Variants in EHMT1 observed in about 807,000 individuals in gnomAD.
EHMT1 encodes histone-lysine N-methyltransferase EHMT1.
Under a neutral mutation model 147.2 loss-of-function variants are expected in EHMT1, and 15 were observed. That is an observed-to-expected ratio of 0.10 (90% CI 0.07 to 0.16). The LOEUF (loss-of-function observed/expected upper bound fraction) is 0.16. Among genes scored for constraint, EHMT1 ranks in the 10% least tolerant of loss-of-function variants. The pLI, the probability that EHMT1 is intolerant of heterozygous loss-of-function variation, is 1.00. For synonymous variants in EHMT1, 795 were observed against 709.6 expected (o/e 1.12, Z -1.91); for missense variants, 1,587 against 1,772.4 (o/e 0.90, Z 1.88).
At chr9:137,792,766 T>G (rs888498139) in intron 16 of EHMT1, among the ~76,000 whole-genome samples, 1 of 152,178 alleles carries the variant, frequency 6.6e-6, no homozygotes, top group Non-Finnish European at 1.5e-5. Flanking sequence ...ACCAGAACAC[T>G]CTTTGAAGAA....
intron 25 of EHMT1, among the ~76,000 whole-genome samples, chr9:137,830,175 C>T (rs1015306467): frequency 6.6e-6 from 1 of 151,980 alleles, no homozygotes; most frequent in African/African-American, 2.4e-5. Context: ...TCAAACTGCC[C>T]CATCTTTGGC....
At chr9:137,784,726 A>C (rs1951821804) in intron 15 of EHMT1, 1 of 152,996 alleles carries the variant, frequency 6.5e-6, no homozygotes, top group Non-Finnish European at 1.5e-5. Context: ...GGGTCCAGTA[A>C]GCCAGGGGTT....
intron 1 of EHMT1, chr9:137,676,294 C>T (rs1490726156): frequency 6.6e-6 from 1 of 152,212 alleles, no homozygotes; most frequent in African/African-American, 2.4e-5. Flanking sequence ...TGGTCTTGAT[C>T]TCCTGACCTC....
chr9:137,758,224 G>A (rs1011657020), intron 9 of EHMT1, among the ~76,000 whole-genome samples: 7 of 152,264 alleles, frequency 4.6e-5, no homozygotes, highest in Non-Finnish European at 5.9e-5. Flanking sequence ...CCCTCTAAGA[G>A]TCAACTGGCG....
chr9:137,768,618 C>T (rs1462179037), intron 10 of EHMT1, among the ~76,000 whole-genome samples: 8 of 122,934 alleles, frequency 6.5e-5, no homozygotes, highest in Admixed American at 2.1e-4. Context: ...GGCGGGATCT[C>T]GGCTCACTGC....
rs2133045242 is a variant in EHMT1 at position 137,828,933 on chromosome 9, GGGCCTGGCCCTCCCAGAT to G, written c.3541-5410_3541-5393del. 6.6e-6 allele frequency among the ~76,000 whole-genome samples: 1 copy of G among 152,260 alleles called. No homozygotes were observed. The highest frequency in any genetic ancestry group is 1.9e-4 in the East Asian group (1 of 5,166). The stretch of plus-strand genomic sequence containing the variant: ...TAGGAATCCTGGGAAGAGCCCAGAT[GGGCCTGGCCCTCCCAGAT>G]GGCCTCTTTTGCCTCTGGCGAAGTG... On this transcript the variant is annotated intron_variant, in intron 25 of 26. Transcript: ENST00000460843. This position sits in a 1 kb window ranked among gnomAD's most constrained non-coding sequence, Gnocchi z 5.3.
intron 1 of EHMT1, among the ~76,000 whole-genome samples, chr9:137,707,710 C>T (rs1195407571): frequency 2.0e-5 from 3 of 152,156 alleles, no homozygotes; most frequent in Admixed American, 6.5e-5. Context: ...AACTTAATTT[C>T]GTGGGTAGGA....
At chr9:137,833,690 C>T (rs575143720) in intron 25 of EHMT1, among the ~76,000 whole-genome samples, 155 of 152,366 alleles carry the variant, frequency 1.0e-3, no homozygotes, top group Admixed American at 3.0e-3. Flanking sequence ...GCCATGTGGC[C>T]ACCCGGAATC....
intron 1 of EHMT1, among the ~76,000 whole-genome samples, chr9:137,623,580 C>G (rs1010710466): frequency 6.6e-6 from 1 of 151,920 alleles, no homozygotes; most frequent in South Asian, 2.1e-4. Flanking sequence ...ACGCCTGTGC[C>G]TGGCTAATTT....
intron 15 of EHMT1, chr9:137,785,580 A>G (rs1951895145): frequency 6.6e-6 from 1 of 152,226 alleles, no homozygotes; most frequent in African/African-American, 2.4e-5. Flanking sequence ...GAATGATGCC[A>G]CTGTCTTCTG....
At chr9:137,630,364 G>T (rs1217778398) in intron 1 of EHMT1, among the ~76,000 whole-genome samples, 1 of 152,228 alleles carries the variant, frequency 6.6e-6, no homozygotes, top group Non-Finnish European at 1.5e-5. Context: ...CACAATTGCT[G>T]CGGCCACATG....
chr9:137,803,022 T>A, intron 18 of EHMT1: 4 of 1,231,420 alleles, frequency 3.2e-6, no homozygotes, highest in Non-Finnish European at 4.0e-6. Flanking sequence ...TGGGGCCACC[T>A]CACCCACCGC....
intron 1 of EHMT1, among the ~76,000 whole-genome samples, chr9:137,682,139 G>A (rs1032385778): frequency 2.0e-5 from 3 of 151,824 alleles, no homozygotes; most frequent in African/African-American, 4.8e-5. Context: ...TAGTAGAGAC[G>A]GGGTTTCTCC....
chr9:137,658,210 G>A (rs1018594533), intron 1 of EHMT1, among the ~76,000 whole-genome samples: 3 of 152,150 alleles, frequency 2.0e-5, no homozygotes, highest in Non-Finnish European at 2.9e-5. Context: ...GAGTGCTGCG[G>A]CATGATCTTG....
chr9:137,664,175 G>A (rs1274530549), intron 1 of EHMT1, among the ~76,000 whole-genome samples: 2 of 152,012 alleles, frequency 1.3e-5, no homozygotes, highest in Non-Finnish European at 2.9e-5. Context: ...AAGGAGCTGG[G>A]ACTACAGGTG....
At chr9:137,657,313 A>G (rs1372443366) in intron 1 of EHMT1, among the ~76,000 whole-genome samples, 1 of 152,020 alleles carries the variant, frequency 6.6e-6, no homozygotes, top group Admixed American at 6.6e-5. Context: ...TGAGCAGAGG[A>G]GTGGCGGAAT....
chr9:137,720,816 C>T (rs568771271), intron 3 of EHMT1, among the ~76,000 whole-genome samples: 13 of 152,146 alleles, frequency 8.5e-5, no homozygotes, highest in Admixed American at 3.3e-4. Context: ...TAGAGCTGCT[C>T]GGGGCATTTA....
intron 1 of EHMT1, among the ~76,000 whole-genome samples, chr9:137,710,422 G>A (rs777751203): frequency 6.6e-6 from 1 of 152,190 alleles, no homozygotes; most frequent in African/African-American, 2.4e-5. Context: ...GCAGTGAGCC[G>A]AGATCGCGCC....
chr9:137,764,692 T>C (rs1950099959), intron 10 of EHMT1: 1 of 152,258 alleles, frequency 6.6e-6, no homozygotes, highest in African/African-American at 2.4e-5. Context: ...CAAAGGTCTG[T>C]TGACAAAATG....
Sources: gnomAD v4.1 joint callset for allele counts (sites outside exome capture counted in the v4.1 genomes callset) on GRCh38, gnomAD v4.1.1 for gene constraint, Gnocchi (gnomAD v3.1) non-coding constraint, MANE v1.5 for transcripts, NCBI Gene and HGNC (gene_info 2026-07-23, HGNC 2026-07-21) for gene names.